The following MARCHF4 variants were observed in gnomAD, a reference collection of about 807,000 sequenced individuals.
MARCHF4 encodes the protein membrane associated ring-CH-type finger 4.
In MARCHF4, 14 loss-of-function variants were observed where a neutral mutation model predicts 43.9. That is an observed-to-expected ratio of 0.32 (90% CI 0.21 to 0.50). MARCHF4 has a LOEUF of 0.50. Ranked by LOEUF, MARCHF4 falls within the 20% of genes least tolerant of loss-of-function variation. The pLI is 0.98. For synonymous variants in MARCHF4, 226 were observed against 213.3 expected, an observed-to-expected ratio of 1.06 and a Z score of -0.52; for missense variants, 468 against 536.7, an observed-to-expected ratio of 0.87 and a Z score of 1.27.
chr2:216,316,602 CA>C (rs1691781679), intron 1 of MARCHF4, among the ~76,000 whole-genome samples: 2 of 151,840 alleles, frequency 1.3e-5, no homozygotes, highest in Admixed American at 1.3e-4. Context: ...AACTGAGGCA[CA>C]AAAAAATAGA....
Position 216,279,769 on chromosome 2 carries a change from T to G in MARCHF4, c.673-1905A>C, listed in dbSNP as rs555848151. ...TACAGGTAATTGGGCCTTTACATTT[T>G]CCACTGTTTCCCCCCGCCTAGGGTT... On this transcript the variant is annotated intron_variant, in intron 2 of 3. Transcript: ENST00000273067. 2.6e-5 allele frequency among the ~76,000 whole-genome samples: 4 copies of G among 152,322 alleles called. No homozygotes were observed. The South Asian group carries it at 8.3e-4, about 32-fold the overall frequency.
chr2:216,323,363 A>G (rs1172738649), intron 1 of MARCHF4, among the ~76,000 whole-genome samples: 1 of 152,152 alleles, frequency 6.6e-6, no homozygotes, highest in Non-Finnish European at 1.5e-5. Flanking sequence ...AAATGGAGAT[A>G]ATAATAGTAT....
At chr2:216,290,522 T>G (rs115527286) in intron 1 of MARCHF4, among the ~76,000 whole-genome samples, 23 of 152,114 alleles carry the variant, frequency 1.5e-4, no homozygotes, top group African/African-American at 5.1e-4. Flanking sequence ...CATTTGTGAG[T>G]GAGATGGGCA....
At chr2:216,360,875 GGTCTCAAATTCCAGGGCTC>G (rs57966415) in intron 1 of MARCHF4, among the ~76,000 whole-genome samples, 6,216 of 151,928 alleles carry the variant, frequency 0.041, 392 homozygotes, top group African/African-American at 0.14. Context: ...TGCCCAGGCT[GGTCTCAAATTCCAGGGCTC>G]GTCTCAAATT....
chr2:216,301,155 G>A (rs911700345), intron 1 of MARCHF4, among the ~76,000 whole-genome samples: 1 of 152,160 alleles, frequency 6.6e-6, no homozygotes, highest in Non-Finnish European at 1.5e-5. Context: ...CATGGTAGGA[G>A]GTACAGGGAA....
chr2:216,343,922 C>G (rs1450507209), intron 1 of MARCHF4, among the ~76,000 whole-genome samples: 1 of 151,942 alleles, frequency 6.6e-6, no homozygotes. Flanking sequence ...AGGAGAATCA[C>G]GAGAGGGAAT....
intron 1 of MARCHF4, among the ~76,000 whole-genome samples, chr2:216,354,478 C>A (rs1035150938): frequency 6.6e-6 from 1 of 152,134 alleles, no homozygotes; most frequent in East Asian, 1.9e-4. Flanking sequence ...CATATGCAAC[C>A]CTGGTCCACG....
At position 216,277,752 on chromosome 2, in the gene MARCHF4, G is replaced by C. The variant is rs1180641129; in HGVS notation, c.785C>G (p.Pro262Arg). The C allele has an allele frequency of 1.2e-6, 2 of 1,614,190 alleles. No homozygotes were observed. The highest frequency in any genetic ancestry group is 3.3e-5 in the Admixed American group (2 of 60,028). The change falls in exon 3 of 4, where the codon CCC becomes CGC. Residue 262 changes from proline (P) to arginine (R), a missense_variant. Pro to Arg is a moderately radical substitution (Grantham distance 103). Coordinates refer to ENST00000273067, the MANE Select transcript of MARCHF4 (RefSeq NM_020814.3). ...ISWLIWSTFS[P>R]SARWQRQDLL... ...GTCTTGGCGCTGCCATCTTGCCGAG[G>C]GGCTGAAAGTTGACCAGATGAGCCA...
At chr2:216,269,369 C>T (rs1553592392) in intron 3 of MARCHF4, among the ~76,000 whole-genome samples, 1 of 152,110 alleles carries the variant, frequency 6.6e-6, no homozygotes, top group Non-Finnish European at 1.5e-5. Context: ...CAGCAGAGGA[C>T]AGCGTCATTA....
At chr2:216,345,185 A>G (rs908448828) in intron 1 of MARCHF4, among the ~76,000 whole-genome samples, 2 of 118,362 alleles carry the variant, frequency 1.7e-5, no homozygotes, top group African/African-American at 3.2e-5. Context: ...TGGTCTGTGA[A>G]ACCTGTGGTT....
chr2:216,322,378 G>T (rs894524492), intron 1 of MARCHF4, among the ~76,000 whole-genome samples: 1 of 152,188 alleles, frequency 6.6e-6, no homozygotes, highest in African/African-American at 2.4e-5. Context: ...GCCCAATTCT[G>T]GTTTATAGCA....
At chr2:216,265,929 G>A (rs1690838450) in intron 3 of MARCHF4, 1 of 152,194 alleles carries the variant, frequency 6.6e-6, no homozygotes, top group Admixed American at 6.5e-5. Context: ...AGAAACCTCA[G>A]GTGAGGCTGA....
intron 1 of MARCHF4, among the ~76,000 whole-genome samples, chr2:216,288,156 G>T (rs1691247505): frequency 6.6e-6 from 1 of 152,190 alleles, no homozygotes; most frequent in African/African-American, 2.4e-5. Context: ...GTAGAGGTGA[G>T]ATTTCACCAC....
intron 3 of MARCHF4, among the ~76,000 whole-genome samples, chr2:216,275,805 A>C (rs1326834043): frequency 6.6e-6 from 1 of 152,188 alleles, no homozygotes; most frequent in Non-Finnish European, 1.5e-5. Flanking sequence ...GGCTGTGGGC[A>C]GAAGGGAGAG....
chr2:216,328,202 G>A (rs572469368), intron 1 of MARCHF4, among the ~76,000 whole-genome samples: 10 of 152,164 alleles, frequency 6.6e-5, no homozygotes, highest in Admixed American at 2.0e-4. Flanking sequence ...ACGGAGTCTC[G>A]CTCTGACGCC....
chr2:216,316,345 C>T (rs1691775767), intron 1 of MARCHF4, among the ~76,000 whole-genome samples: 1 of 152,136 alleles, frequency 6.6e-6, no homozygotes. Context: ...CCTGCTCACG[C>T]CCCTTTCTAA....
chr2:216,363,152 A>G (rs949138783), intron 1 of MARCHF4, among the ~76,000 whole-genome samples: 4 of 152,166 alleles, frequency 2.6e-5, no homozygotes, highest in Non-Finnish European at 5.9e-5. Flanking sequence ...TCTGAAATCC[A>G]TATTTCATAA....
intron 1 of MARCHF4, among the ~76,000 whole-genome samples, chr2:216,345,927 T>C (rs1441009770): frequency 1.3e-5 from 2 of 152,140 alleles, no homozygotes; most frequent in Non-Finnish European, 1.5e-5. Context: ...CACCTCCTTA[T>C]CTCTGAGCAG....
intron 1 of MARCHF4, among the ~76,000 whole-genome samples, chr2:216,311,802 T>A (rs978420219): frequency 2.6e-5 from 4 of 152,168 alleles, no homozygotes; most frequent in Non-Finnish European, 4.4e-5. Context: ...CCATTTATTC[T>A]CCCATCCATA....
Sources: allele counts gnomAD v4.1 joint callset (sites outside exome capture counted in the v4.1 genomes callset), GRCh38; gene constraint gnomAD v4.1.1; transcripts MANE v1.5; gene names NCBI Gene and HGNC (gene_info 2026-07-23, HGNC 2026-07-21).